Variants in RELN observed in about 807,000 individuals in gnomAD.
RELN encodes reelin.
In RELN, 108 loss-of-function variants were observed where a neutral mutation model predicts 427.6. The ratio of observed to expected loss-of-function variants is 0.25; its 90% CI spans 0.22 to 0.30. The LOEUF is 0.30. RELN is among the 10% of genes least tolerant of loss of function. RELN has a pLI of 1.00. For missense variants in RELN, 3,715 were observed against 4,302.8 expected (o/e 0.86, Z 3.82); for synonymous variants, 1,524 against 1,513.4 (o/e 1.01, Z -0.16).
intron 10 of RELN, among the ~76,000 whole-genome samples, chr7:103,689,127 C>A (rs1455099542): frequency 6.6e-6 from 1 of 151,916 alleles, no homozygotes. Flanking sequence ...CAAATCACAG[C>A]CTATTCTAAA....
intron 46 of RELN, among the ~76,000 whole-genome samples, chr7:103,535,056 T>C (rs1043171928): frequency 7.9e-5 from 12 of 152,178 alleles, no homozygotes; most frequent in Admixed American, 1.3e-4. Context: ...GCCACTGTTT[T>C]CTTTTGTAGT....
chr7:103,577,531 A>C (rs1831031122), intron 28 of RELN, among the ~76,000 whole-genome samples: 1 of 151,512 alleles, frequency 6.6e-6, no homozygotes, highest in African/African-American at 2.4e-5. Flanking sequence ...AATTGAATTA[A>C]AGAAGTTTAG....
chr7:103,606,633 G>A (rs1831826631), intron 22 of RELN, among the ~76,000 whole-genome samples: 1 of 152,128 alleles, frequency 6.6e-6, no homozygotes, highest in Admixed American at 6.6e-5. Context: ...ATTAATTTGA[G>A]ATTTTTTTAC....
At chr7:103,549,677 G>A (rs1279693130) in intron 41 of RELN, among the ~76,000 whole-genome samples, 1 of 152,124 alleles carries the variant, frequency 6.6e-6, no homozygotes, top group African/African-American at 2.4e-5. Flanking sequence ...ATGTTAATGT[G>A]AACACAATAA....
intron 13 of RELN, 140 bp downstream of exon 13, chr7:103,653,953 T>A: frequency 1.5e-6 from 1 of 673,814 alleles, no homozygotes; most frequent in South Asian, 1.6e-5. Context: ...TCTATTTCAC[T>A]TTTAAAGAAA....
rs1261062324 is a variant in RELN, at chr7:103,579,790, T to A, written c.4146-4085A>T. 2.0e-5 allele frequency among the ~76,000 whole-genome samples: 3 copies of A among 152,194 alleles called. 1 individual carries two copies. The East Asian group carries it at 5.8e-4, about 29-fold the overall frequency. On this transcript the variant is annotated intron_variant, in intron 28 of 64. Transcript: ENST00000428762. Reference sequence around the variant, plus strand: ...TGAATCGATTTCTGCACTGTACCCTTCCATCACCACACAATTCAATGTGAT... The same window carrying A: ...TGAATCGATTTCTGCACTGTACCCTACCATCACCACACAATTCAATGTGAT...
intron 55 of RELN, among the ~76,000 whole-genome samples, chr7:103,497,556 A>G (rs1054210921): frequency 2.6e-5 from 4 of 152,228 alleles, no homozygotes; most frequent in Non-Finnish European, 5.9e-5. Flanking sequence ...TGTATCACTC[A>G]AGCTTCAGTA....
intron 4 of RELN, among the ~76,000 whole-genome samples, chr7:103,769,474 C>T (rs535904222): frequency 6.6e-6 from 1 of 152,166 alleles, no homozygotes; most frequent in South Asian, 2.1e-4. Context: ...TTTTGAACTT[C>T]CCAGCCTTCG....
chr7:103,982,809 A>G (rs922162826), intron 1 of RELN, among the ~76,000 whole-genome samples: 24 of 152,116 alleles, frequency 1.6e-4, no homozygotes, highest in African/African-American at 4.6e-4. Flanking sequence ...CACCTTTCCT[A>G]TCATGTAAGA....
At chr7:103,866,571 G>A (rs756206761) in intron 2 of RELN, among the ~76,000 whole-genome samples, 1 of 151,826 alleles carries the variant, frequency 6.6e-6, no homozygotes, top group Admixed American at 6.6e-5. Flanking sequence ...TAACTAAATG[G>A]TTATTTTTAT....
intron 2 of RELN, among the ~76,000 whole-genome samples, chr7:103,916,713 AT>A (rs1241307256): frequency 9.2e-5 from 14 of 152,216 alleles, no homozygotes; most frequent in Non-Finnish European, 1.3e-4. Context: ...TAACCATAAT[AT>A]TTTAAGAACT....
intron 2 of RELN, among the ~76,000 whole-genome samples, chr7:103,855,241 CAGG>C (rs1237820610): frequency 1.3e-5 from 2 of 152,138 alleles, no homozygotes; most frequent in Non-Finnish European, 2.9e-5. Context: ...AGAGAACTAA[CAGG>C]AAGAGTGATG....
chr7:103,708,987 T>C (rs776266839), intron 8 of RELN, among the ~76,000 whole-genome samples: 45 of 152,150 alleles, frequency 3.0e-4, no homozygotes, highest in Non-Finnish European at 5.4e-4. Context: ...AAGATTTTGT[T>C]TCACAAATTC....
chr7:103,606,040 T>C (rs1353327896), intron 22 of RELN, among the ~76,000 whole-genome samples: 1 of 152,204 alleles, frequency 6.6e-6, no homozygotes, highest in African/African-American at 2.4e-5. Flanking sequence ...GAAATGGTTT[T>C]TAGAAAAGCC....
At chr7:103,619,124 A>T (rs755975317) in intron 20 of RELN, among the ~76,000 whole-genome samples, 1 of 151,864 alleles carries the variant, frequency 6.6e-6, no homozygotes, top group Non-Finnish European at 1.5e-5. Flanking sequence ...AAAAAAAAAA[A>T]AATTCAGCAT....
intron 45 of RELN, 95 bp downstream of exon 45, chr7:103,538,983 G>T: frequency 1.5e-6 from 2 of 1,368,272 alleles, no homozygotes; most frequent in Non-Finnish European, 1.0e-6. Flanking sequence ...TTTATTTACA[G>T]ACCTATCAGA....
At chr7:103,679,705 T>TG (rs1258742925) in intron 11 of RELN, among the ~76,000 whole-genome samples, 14 of 152,192 alleles carry the variant, frequency 9.2e-5, no homozygotes, top group African/African-American at 3.1e-4. Context: ...TTCTTTTTTT[T>TG]TTGTTTGGGG....
chr7:103,658,215 C>G (rs944851123), intron 12 of RELN, among the ~76,000 whole-genome samples: 4 of 152,038 alleles, frequency 2.6e-5, no homozygotes, highest in East Asian at 3.9e-4. Context: ...TTGAACTGAA[C>G]TTTGAAAGTT....
intron 46 of RELN, among the ~76,000 whole-genome samples, chr7:103,530,799 T>A (rs1829921501): frequency 1.3e-5 from 2 of 152,228 alleles, no homozygotes; most frequent in Admixed American, 1.3e-4. Context: ...ACACTAGAAT[T>A]CTGGCTTTCA....
Sources: allele counts gnomAD v4.1 joint callset (sites outside exome capture counted in the v4.1 genomes callset), GRCh38; gene constraint gnomAD v4.1.1; transcripts MANE v1.5; gene names NCBI Gene and HGNC (gene_info 2026-07-23, HGNC 2026-07-21).